Variants in UBR4 observed in about 807,000 individuals in gnomAD.
The protein encoded by UBR4 is E3 ubiquitin-protein ligase UBR4.
In UBR4, 124 loss-of-function variants were observed where a neutral mutation model predicts 575.6. The observed-to-expected ratio is 0.22, with a 90% CI of 0.19 to 0.25. The LOEUF (loss-of-function observed/expected upper bound fraction) is 0.25. Ranked by LOEUF, UBR4 falls within the 10% of genes least tolerant of loss-of-function variation. The pLI is 1.00. For missense variants in UBR4, 4,818 were observed against 6,478.8 expected (o/e 0.74, Z 8.80); for synonymous variants, 2,455 against 2,473.7 (o/e 0.99, Z 0.22).
At position 19,081,442 on chromosome 1, in the gene UBR4, G is replaced by A; in HGVS notation, c.15140C>T (p.Pro5047Leu). Residue 5047 changes from proline (P) to leucine (L), a missense_variant, in exon 103 of 106, where the codon CCC (proline) becomes CTC (leucine). By Grantham distance (98) the Pro-to-Leu change is moderately conservative (BLOSUM62 -3). Coordinates refer to ENST00000375254, the MANE Select transcript of UBR4 (RefSeq NM_020765.3). ...ACGTGTGGCTCTCCACTGCTCAGGG[G>A]GCAGGATGTGAAGGGCCAAGACTGT... Reference protein sequence around the residue: ...YFTVLALHILPPEQWRATRVE... With the variant: ...YFTVLALHILLPEQWRATRVE... 1.2e-6 allele frequency: 2 copies of A among 1,614,030 alleles called. No individual in the cohort carries two copies. Among genetic ancestry groups the A allele is most frequent in the South Asian group, 1.1e-5 (1 of 91,074 alleles).
intron 97 of UBR4, 78 bp downstream of exon 97, chr1:19,092,741 T>C: frequency 8.4e-7 from 1 of 1,195,378 alleles, no homozygotes; most frequent in African/African-American, 1.5e-5. Flanking sequence ...TATATTAGGG[T>C]AAGTCATGTC....
At chr1:19,175,074 TAACTC>T (rs2150986334) in intron 20 of UBR4, 41 bp from the exon 21 acceptor site, 1 of 1,551,152 alleles carries the variant, frequency 6.4e-7, no homozygotes, top group Non-Finnish European at 8.9e-7. Flanking sequence ...GTTCCATTCT[TAACTC>T]TATCTGACTA....
chr1:19,165,395 C>T, intron 30 of UBR4, 46 bp from the exon 31 acceptor site: 1 of 1,502,238 alleles, frequency 6.7e-7, no homozygotes. Flanking sequence ...ACATTAAAGC[C>T]CCACATAAAA....
chr1:19,088,999 G>T lies in UBR4; in HGVS notation c.14212-22C>A. The stretch of plus-strand genomic sequence containing the variant: ...GAACCTGCCAGTAAGAGACCAGAGA[G>T]ACACATGCCTCCAATTATGTAGACA... On this transcript the variant is annotated intron_variant, in intron 97 of 105. Transcript: ENST00000375254. The surrounding 1 kb of genome is among the most constrained non-coding windows in gnomAD (Gnocchi z 4.0). The T allele has an allele frequency of 6.2e-7, 1 of 1,610,150 alleles. No individual in the cohort carries two copies. Among genetic ancestry groups the T allele is most frequent in the Non-Finnish European group, 8.5e-7 (1 of 1,176,922 alleles).
chr1:19,185,148 G>A lies in UBR4; in HGVS notation c.1889C>T (p.Ala630Val). The A allele has an allele frequency of 6.2e-7, 1 of 1,614,150 alleles. No homozygotes were observed. The highest frequency in any genetic ancestry group is 8.5e-7 in the Non-Finnish European group (1 of 1,180,036). ...CAGAATGTTGCCCTTCTCACCAGGG[G>A]CCTGCTTACTGGGGCTTTTAACCCG... is the stretch of plus-strand genomic sequence containing the variant. ...SPRVKSPSKQ[A>V]PGEKGNILAS... The change falls in exon 15 of 106, where the codon GCC becomes GTC. Residue 630 changes from alanine to valine, a missense_variant. Ala to Val is a moderately conservative substitution (Grantham distance 64, BLOSUM62 0). Coordinates refer to ENST00000375254, the MANE Select transcript of UBR4 (RefSeq NM_020765.3).
intron 7 of UBR4, 94 bp from the exon 8 acceptor site, chr1:19,197,359 T>G (rs2092520040): frequency 6.5e-7 from 1 of 1,538,052 alleles, no homozygotes; most frequent in South Asian, 1.2e-5. Flanking sequence ...CCCGGCACAG[T>G]GGCTCACGCC....
Position 19,117,993 on chromosome 1 carries a change from T to C in UBR4, c.10542-83A>G. 2 of 1,373,148 alleles carry C rather than the reference T, an allele frequency of 1.5e-6. No homozygotes were observed. The highest frequency in any genetic ancestry group is 2.1e-6 in the Non-Finnish European group (2 of 969,806). 85.1% of individuals were successfully genotyped at this position (1,373,148 alleles called of 1,614,324 possible). ...TCACAAAAAAATCATGACAAAGCCA[T>C]GGCTCAATGTGAGCCAAAGTGAGCC... On this transcript the variant is annotated intron_variant, in intron 71 of 105. Transcript: ENST00000375254. This position sits in a 1 kb window ranked among gnomAD's most constrained non-coding sequence, Gnocchi z 4.0.
rs2083399775 is a variant in UBR4, at chr1:19,138,068, C to T, written c.8845G>A (p.Gly2949Arg). The T allele has an allele frequency of 1.3e-6, 2 of 1,596,218 alleles. No individual in the cohort carries two copies. Among genetic ancestry groups the T allele is most frequent in the Admixed American group, 1.7e-5 (1 of 58,402 alleles). The change falls in exon 60 of 106, where the codon GGA (glycine) becomes AGA (arginine). Residue 2949 changes from glycine (G) to arginine (R), a missense_variant. Around this residue, in one of 29 missense-constraint regions of UBR4, gnomAD observed 87 missense variants for 82.8 expected, o/e 1.05. Coordinates refer to ENST00000375254, the MANE Select transcript of UBR4 (RefSeq NM_020765.3). ...TCTCCTTCTCCCTCGGAGCCATCTC[C>T]CTCCTGGTGCCCAGTGGTGGTGCTG... ...AISTTTGHQEGDGSEGEGEGE... is the reference protein window; with the variant it reads ...AISTTTGHQERDGSEGEGEGE...
rs112715735 is a variant in UBR4 at position 19,183,613 on chromosome 1, T to C, written c.2184+198A>G. Among the ~76,000 whole-genome samples the C allele has an allele frequency of 8.9e-3, 1,355 of 152,232 alleles. 19 individuals are homozygous for C. The highest frequency in any genetic ancestry group is 0.031 in the African/African-American group (1,278 of 41,544). On this transcript the variant is annotated intron_variant, in intron 17 of 105. Coordinates refer to ENST00000375254, the MANE Select transcript of UBR4 (RefSeq NM_020765.3). ...GGCACACACCTGTAATCCCAGCTAC[T>C]CTGGAGGCTGAGGCAGGAGAATCGC... is the stretch of plus-strand genomic sequence containing the variant.
At chr1:19,176,079 G>C (rs903464703) in intron 20 of UBR4, among the ~76,000 whole-genome samples, 2 of 151,604 alleles carry the variant, frequency 1.3e-5, no homozygotes, top group African/African-American at 4.9e-5. Flanking sequence ...GAGCCACCAT[G>C]CTCAGCCTCA....
chr1:19,155,517 A>G lies in UBR4; in HGVS notation c.6224T>C (p.Met2075Thr). The change falls in exon 43 of 106, where the codon ATG becomes ACG. Residue 2075 changes from methionine to threonine, a missense_variant. Transcript: ENST00000375254. ...CTGCTGGGCACTGCTGGCCTCTTCC[A>G]TAAGCTGAGTATAGATGTACCCAGC... The part of the protein sequence containing the change: ...SSAGYIYTQL[M>T]EEASSAQQGP... The G allele has an allele frequency of 6.2e-7, 1 of 1,614,186 alleles. No individual in the cohort carries two copies. Among genetic ancestry groups the G allele is most frequent in the South Asian group, 1.1e-5 (1 of 91,082 alleles).
intron 92 of UBR4, 28 bp downstream of exon 92, chr1:19,096,495 C>A: frequency 6.2e-7 from 1 of 1,605,582 alleles, no homozygotes; most frequent in Non-Finnish European, 8.5e-7. Context: ...GAAAGGCTGG[C>A]CCCCACAACT....
At position 19,174,949 on chromosome 1, in the gene UBR4, A is replaced by G; in HGVS notation, c.2853+5T>C. On this transcript the variant is annotated splice_donor_5th_base_variant and intron_variant, in intron 21 of 105. Transcript: ENST00000375254. ...TATAAAATGCAGTTTTAAAATTCCT[A>G]GTACCACAGAATCAAGTCGGTTCAA... 2.5e-6 allele frequency: 4 copies of G among 1,612,920 alleles called. No individual in the cohort carries two copies. The highest frequency in any genetic ancestry group is 3.4e-6 in the Non-Finnish European group (4 of 1,179,148).
At chr1:19,191,043 T>C (rs1394226988) in intron 11 of UBR4, among the ~76,000 whole-genome samples, 3 of 152,222 alleles carry the variant, frequency 2.0e-5, no homozygotes, top group Non-Finnish European at 2.9e-5. Context: ...CTCAGAAATG[T>C]CAATGATACT....
Position 19,093,241 on chromosome 1 carries a change from G to C in UBR4, c.14111+72C>G. ...GGGCACACGTGAAGCTTTATGCCAA[G>C]ATGCTGATGGAGAAGGAAAAGGAAA... is the stretch of plus-strand genomic sequence containing the variant. On this transcript the variant is annotated intron_variant, in intron 96 of 105. Coordinates refer to ENST00000375254, the MANE Select transcript of UBR4 (RefSeq NM_020765.3). This position sits in a 1 kb window ranked among gnomAD's most constrained non-coding sequence, Gnocchi z 4.8. 1 of 1,555,966 alleles carries C rather than the reference G, an allele frequency of 6.4e-7. No individual in the cohort carries two copies. The highest frequency in any genetic ancestry group is 8.7e-7 in the Non-Finnish European group (1 of 1,146,560).
intron 49 of UBR4, 71 bp from the exon 50 acceptor site, chr1:19,148,697 T>C (rs937063322): frequency 1.3e-6 from 2 of 1,563,598 alleles, no homozygotes; most frequent in South Asian, 2.2e-5. Flanking sequence ...CTAAGCAAAC[T>C]ATAGTCATGA....
At chr1:19,144,519 A>G (rs1282503759) in intron 54 of UBR4, among the ~76,000 whole-genome samples, 1 of 152,214 alleles carries the variant, frequency 6.6e-6, no homozygotes, top group East Asian at 1.9e-4. Context: ...TTAAGTCACA[A>G]TTCACCGAGT....
chr1:19,128,965 A>C lies in UBR4; in HGVS notation c.9003+13T>G. On this transcript the variant is annotated intron_variant, in intron 61 of 105. Transcript: ENST00000375254. Reference sequence around the variant, plus strand: ...TCATGACCTGACAGAGATCCAGGTGAGCTAAGAGATACCTGCATGTATGGG... The same window carrying C: ...TCATGACCTGACAGAGATCCAGGTGCGCTAAGAGATACCTGCATGTATGGG... 1.2e-6 allele frequency: 2 copies of C among 1,611,930 alleles called. No individual in the cohort carries two copies. Among genetic ancestry groups the C allele is most frequent in the Non-Finnish European group, 1.7e-6 (2 of 1,178,000 alleles).
rs768962450 is a variant in UBR4, at chr1:19,112,809, G to A, written c.11516C>T (p.Ala3839Val). 1.9e-6 allele frequency: 3 copies of A among 1,614,060 alleles called. No homozygotes were observed. Among genetic ancestry groups the A allele is most frequent in the Admixed American group, 3.3e-5 (2 of 60,028 alleles). The part of the protein sequence containing the change: ...LEYDLQQREA[A>V]TKSSRTSVQP... ...CACGGAGGTCCGGGATGATTTAGTG[G>A]CTGCTTCCCTCTGCTGTAGGTCATA... Residue 3839 changes from alanine to valine, a missense_variant, in exon 78 of 106, where the codon GCC (alanine) becomes GTC (valine). By Grantham distance (64) the Ala-to-Val change is moderately conservative. Transcript: ENST00000375254.
Sources: gnomAD v4.1 joint callset for allele counts (sites outside exome capture counted in the v4.1 genomes callset) on GRCh38, gnomAD v4.1.1 for gene constraint, gnomAD v4.1.1 regional missense constraint, Gnocchi (gnomAD v3.1) non-coding constraint, MANE v1.5 for transcripts, NCBI Gene and HGNC (gene_info 2026-07-23, HGNC 2026-07-21) for gene names.